RAG1: variants seen among roughly 807,000 people sequenced by gnomAD.
The protein encoded by RAG1 is V(D)J recombination-activating protein 1.
In RAG1, 35 loss-of-function variants were observed where a neutral mutation model predicts 62.7. That is an observed-to-expected ratio of 0.56 (90% CI 0.43 to 0.74). The LOEUF (loss-of-function observed/expected upper bound fraction) is 0.74, where lower values mean the gene tolerates loss of function less well. Ranked by LOEUF, RAG1 falls within the 30% of genes least tolerant of loss-of-function variation. The pLI is 0.00. For missense variants in RAG1, 1,169 were observed against 1,278.6 expected (o/e 0.91, Z 1.31); for synonymous variants, 461 against 470.3 (o/e 0.98, Z 0.26).
At chr11:36,569,714 C>T (rs1224384980) in intron 1 of RAG1, among the ~76,000 whole-genome samples, 1 of 152,068 alleles carries the variant, frequency 6.6e-6, no homozygotes, top group Non-Finnish European at 1.5e-5. Context: ...TTGAATAATT[C>T]AAATGATACA....
chr11:36,569,404 C>A (rs950321872), intron 1 of RAG1, among the ~76,000 whole-genome samples: 1 of 152,160 alleles, frequency 6.6e-6, no homozygotes. Flanking sequence ...GAGAGGAGAT[C>A]AAGCATTTGC....
At chr11:36,550,462 C>A (rs1850466391) in intron 3 of RAG1, among the ~76,000 whole-genome samples, 1 of 152,026 alleles carries the variant, frequency 6.6e-6, no homozygotes, top group Non-Finnish European at 1.5e-5. Flanking sequence ...GAGGTGACCC[C>A]ACATTTTTAG....
chr11:36,561,677 T>C (rs1160542235), intron 3 of RAG1, among the ~76,000 whole-genome samples: 1 of 152,222 alleles, frequency 6.6e-6, no homozygotes, highest in Non-Finnish European at 1.5e-5. Flanking sequence ...TTCTACCTGA[T>C]TGCTGAAGCT....
chr11:36,557,411 G>A (rs1373177303), intron 3 of RAG1, among the ~76,000 whole-genome samples: 2 of 140,584 alleles, frequency 1.4e-5, no homozygotes, highest in Admixed American at 1.4e-4. Flanking sequence ...GACTCGGAAA[G>A]GGAACTCCCT....
At chr11:36,534,513 A>T (rs1002569280) in intron 2 of RAG1, among the ~76,000 whole-genome samples, 1 of 152,176 alleles carries the variant, frequency 6.6e-6, no homozygotes, top group Admixed American at 6.6e-5. Context: ...TCACTTTAGG[A>T]TGTACAATTT....
At chr11:36,540,092 A>T (rs1860392184), downstream of RAG1, among the ~76,000 whole-genome samples, 1 of 152,196 alleles carries the variant, frequency 6.6e-6, no homozygotes, top group African/African-American at 2.4e-5. Flanking sequence ...GGTCGTGTGA[A>T]CATTGATCCT....
chr11:36,538,455 G>A (rs1202910586), downstream of RAG1, among the ~76,000 whole-genome samples: 2 of 152,150 alleles, frequency 1.3e-5, no homozygotes, highest in African/African-American at 4.8e-5. Flanking sequence ...TGCTCTATTC[G>A]ATAGGTTATT....
chr11:36,536,777 G>C (rs1860335062), downstream of RAG1, among the ~76,000 whole-genome samples: 2 of 150,594 alleles, frequency 1.3e-5, no homozygotes, highest in Non-Finnish European at 3.0e-5. Context: ...TTTATTTTTT[G>C]AGACGGAGTC....
intron 3 of RAG1, among the ~76,000 whole-genome samples, chr11:36,541,736 G>A (rs555995135): frequency 7.2e-5 from 11 of 152,250 alleles, no homozygotes; most frequent in Admixed American, 3.9e-4. Flanking sequence ...ATATAAAAGC[G>A]TGCTAGCCTG....
intron 1 of RAG1, among the ~76,000 whole-genome samples, chr11:36,569,989 A>G (rs576386074): frequency 6.6e-6 from 1 of 152,342 alleles, no homozygotes; most frequent in South Asian, 2.1e-4. Context: ...CATACAGAAA[A>G]TTAAATTTTC....
intron 1 of RAG1, among the ~76,000 whole-genome samples, chr11:36,571,096 G>T (rs961845406): frequency 6.6e-6 from 1 of 152,200 alleles, no homozygotes; most frequent in Non-Finnish European, 1.5e-5. Context: ...TAGTTTGGTA[G>T]ATTTTGGTAT....
chr11:36,530,042 G>A (rs897094887), intron 2 of RAG1, among the ~76,000 whole-genome samples: 1 of 151,738 alleles, frequency 6.6e-6, no homozygotes, highest in Non-Finnish European at 1.5e-5. Flanking sequence ...TTGGGTTAAC[G>A]GTGGCTGTTT....
chr11:36,522,058 A>G (rs1300950406), intron 2 of RAG1, among the ~76,000 whole-genome samples: 1 of 152,166 alleles, frequency 6.6e-6, no homozygotes, highest in Non-Finnish European at 1.5e-5. Flanking sequence ...CTGCCTGACA[A>G]TGAAATAGAA....
intron 1 of RAG1, among the ~76,000 whole-genome samples, chr11:36,516,310 T>C (rs1859994852): frequency 1.3e-5 from 2 of 152,168 alleles, no homozygotes; most frequent in African/African-American, 4.8e-5. Context: ...CACTGTTGTG[T>C]TTTTTGTTTG....
At chr11:36,521,917 T>C (rs1406847476) in intron 2 of RAG1, among the ~76,000 whole-genome samples, 1 of 152,118 alleles carries the variant, frequency 6.6e-6, no homozygotes, top group Non-Finnish European at 1.5e-5. Context: ...AACTTTGAAC[T>C]TAAGAGAGAT....
At chr11:36,537,002 C>T (rs12279841), downstream of RAG1, among the ~76,000 whole-genome samples, 4,057 of 150,878 alleles carry the variant, frequency 0.027, 198 homozygotes, top group African/African-American at 0.095. Flanking sequence ...TTGTGATCCA[C>T]CTGCCTCGGC....
At position 36,574,336 on chromosome 11, in the gene RAG1, G is replaced by C; in HGVS notation, c.1032G>C (p.Val344=). ...PCFPTDLESP[V]KSFLSVLNSL... ...TCCCTACTGACCTGGAGAGTCCAGT[G>C]AAGTCCTTTCTGAGCGTCTTGAATT... The change falls in exon 2 of 2, where the codon GTG becomes GTC. Residue 344 remains valine, a synonymous_variant. Transcript: ENST00000299440. 1 of 1,614,236 alleles carries C rather than the reference G, an allele frequency of 6.2e-7. No individual in the cohort carries two copies. The highest frequency in any genetic ancestry group is 8.5e-7 in the Non-Finnish European group (1 of 1,180,036).
chr11:36,518,783 T>G (rs896122961), intron 1 of RAG1, among the ~76,000 whole-genome samples: 4 of 152,344 alleles, frequency 2.6e-5, no homozygotes, highest in South Asian at 2.1e-4. Flanking sequence ...TTTCTCCCAT[T>G]CTATAGGTTG....
intron 2 of RAG1, among the ~76,000 whole-genome samples, chr11:36,534,823 T>C (rs980948848): frequency 6.6e-6 from 1 of 152,218 alleles, no homozygotes; most frequent in African/African-American, 2.4e-5. Context: ...TCATTTATAT[T>C]TTAAAAACTT....
Sources: allele counts gnomAD v4.1 joint callset (sites outside exome capture counted in the v4.1 genomes callset), GRCh38; gene constraint gnomAD v4.1.1; transcripts MANE v1.5; gene names NCBI Gene and HGNC (gene_info 2026-07-23, HGNC 2026-07-21).